The following MEI4 variants were observed in gnomAD, a reference collection of about 807,000 sequenced individuals.
MEI4 encodes the protein meiosis-specific protein MEI4.
A neutral mutation model predicts 31.4 loss-of-function variants in MEI4; 27 were observed. The ratio of observed to expected loss-of-function variants is 0.86; its 90% confidence interval spans 0.63 to 1.19. MEI4 has a LOEUF of 1.19. Ranked by LOEUF, MEI4 falls within the 50% of genes most tolerant of loss-of-function variation. The pLI, the probability that MEI4 is intolerant of heterozygous loss-of-function variation, is 0.00. For synonymous variants in MEI4, 122 were observed against 145.4 expected, an observed-to-expected ratio of 0.84 and a Z score of 1.16; for missense variants, 329 against 398.9, an observed-to-expected ratio of 0.82 and a Z score of 1.49.
intron 1 of MEI4, among the ~76,000 whole-genome samples, chr6:77,670,592 T>C (rs963965877): frequency 7.2e-5 from 11 of 152,160 alleles, no homozygotes; most frequent in African/African-American, 2.4e-4. Context: ...GCTGTATGTA[T>C]CACAGCCCCT....
At chr6:77,678,227 C>T (rs576588876) in intron 1 of MEI4, among the ~76,000 whole-genome samples, 1 of 152,238 alleles carries the variant, frequency 6.6e-6, no homozygotes, top group Admixed American at 6.5e-5. Context: ...AATGGCATTA[C>T]CAAAAATAAA....
At chr6:77,814,681 A>G (rs1187420588) in intron 3 of MEI4, among the ~76,000 whole-genome samples, 1 of 152,078 alleles carries the variant, frequency 6.6e-6, no homozygotes, top group African/African-American at 2.4e-5. Context: ...TAAAGTGCCA[A>G]TTTACTGAGA....
chr6:77,787,325 C>A (rs1402953098), intron 3 of MEI4, among the ~76,000 whole-genome samples: 2 of 152,136 alleles, frequency 1.3e-5, no homozygotes, highest in East Asian at 1.9e-4. Context: ...AAGAAGCTGA[C>A]CTTCAGTTTA....
At chr6:77,911,734 A>T (rs1024616813) in intron 4 of MEI4, among the ~76,000 whole-genome samples, 14 of 137,604 alleles carry the variant, frequency 1.0e-4, no homozygotes, top group East Asian at 3.9e-4. Flanking sequence ...TATATATATA[A>T]TATATATATA....
intron 4 of MEI4, among the ~76,000 whole-genome samples, chr6:77,872,866 T>C (rs2127725883): frequency 6.6e-6 from 1 of 151,430 alleles, no homozygotes; most frequent in Admixed American, 6.6e-5. Flanking sequence ...TTACTGAGAA[T>C]GATGATTTCC....
chr6:77,749,906 C>CT (rs1767723897), intron 2 of MEI4, among the ~76,000 whole-genome samples: 1 of 152,212 alleles, frequency 6.6e-6, no homozygotes, highest in Admixed American at 6.5e-5. Flanking sequence ...GCCCACCAGA[C>CT]TAACAGCAGA....
chr6:77,741,682 A>C (rs925619141), intron 2 of MEI4, among the ~76,000 whole-genome samples: 1 of 151,694 alleles, frequency 6.6e-6, no homozygotes, highest in Admixed American at 6.6e-5. Flanking sequence ...GGTTAGTTAC[A>C]TATGTACACA....
At chr6:77,802,245 G>C (rs192705994) in intron 3 of MEI4, among the ~76,000 whole-genome samples, 391 of 152,160 alleles carry the variant, frequency 2.6e-3, no homozygotes, top group African/African-American at 9.2e-3. Flanking sequence ...TGTCTCTTTT[G>C]ATCTTTGTTG....
intron 3 of MEI4, among the ~76,000 whole-genome samples, chr6:77,779,150 G>A (rs976388123): frequency 6.6e-6 from 1 of 152,190 alleles, no homozygotes; most frequent in Non-Finnish European, 1.5e-5. Context: ...CCAACATTTA[G>A]TGGTCATGTA....
chr6:77,866,827 A>G (rs1414921218), intron 4 of MEI4, among the ~76,000 whole-genome samples: 1 of 152,244 alleles, frequency 6.6e-6, no homozygotes, highest in Non-Finnish European at 1.5e-5. Flanking sequence ...AACTTATACT[A>G]CAAGGTTACA....
intron 3 of MEI4, among the ~76,000 whole-genome samples, chr6:77,817,111 T>C (rs1284281275): frequency 6.6e-6 from 1 of 152,098 alleles, no homozygotes. Context: ...ATTATATTCT[T>C]ATTATACACA....
chr6:77,858,307 C>T (rs1308634999), intron 4 of MEI4, among the ~76,000 whole-genome samples: 1 of 151,874 alleles, frequency 6.6e-6, no homozygotes, highest in Non-Finnish European at 1.5e-5. Context: ...ATAGATGTAC[C>T]TAGTCTAGTT....
chr6:77,845,765 C>T (rs1162536090), intron 4 of MEI4, among the ~76,000 whole-genome samples: 1 of 142,044 alleles, frequency 7.0e-6, no homozygotes, highest in Non-Finnish European at 1.5e-5. Flanking sequence ...ATTAGATGTT[C>T]TTCCTGTTTA....
chr6:77,835,290 G>A (rs181963812), intron 4 of MEI4, among the ~76,000 whole-genome samples: 63 of 149,858 alleles, frequency 4.2e-4, no homozygotes, highest in Non-Finnish European at 6.8e-4. Flanking sequence ...AACCCAGGTG[G>A]AGGAGGTTGT....
intron 4 of MEI4, among the ~76,000 whole-genome samples, chr6:77,842,546 G>A: frequency 6.6e-6 from 1 of 152,104 alleles, no homozygotes; most frequent in Middle Eastern, 3.2e-3. Context: ...GAGCATACAT[G>A]AATGATGTTG....
At chr6:77,846,452 T>C (rs1299847445) in intron 4 of MEI4, among the ~76,000 whole-genome samples, 3 of 152,196 alleles carry the variant, frequency 2.0e-5, no homozygotes, top group African/African-American at 7.2e-5. Flanking sequence ...TTTAGTAAGT[T>C]ATTTTCAGAG....
At chr6:77,917,164 C>A (rs1460002624) in intron 4 of MEI4, among the ~76,000 whole-genome samples, 1 of 152,038 alleles carries the variant, frequency 6.6e-6, no homozygotes, top group East Asian at 1.9e-4. Context: ...TTAATCCAGT[C>A]TATCATTGTT....
chr6:77,686,987 A>C (rs1769070068), intron 1 of MEI4, among the ~76,000 whole-genome samples: 1 of 151,958 alleles, frequency 6.6e-6, no homozygotes. Flanking sequence ...GCGAGTTGAT[A>C]GCAAATTAAA....
At chr6:77,894,402 AG>A (rs1766038316) in intron 4 of MEI4, among the ~76,000 whole-genome samples, 1 of 152,022 alleles carries the variant, frequency 6.6e-6, no homozygotes, top group Non-Finnish European at 1.5e-5. Flanking sequence ...TTTAAAAAAA[AG>A]AAAGAAACGT....
Sources: allele counts gnomAD v4.1 joint callset (sites outside exome capture counted in the v4.1 genomes callset), GRCh38; gene constraint gnomAD v4.1.1; transcripts MANE v1.5; gene names NCBI Gene and HGNC (gene_info 2026-07-23, HGNC 2026-07-21).